The following TULP4 variants were observed in gnomAD, a reference collection of about 807,000 sequenced individuals.
TULP4 encodes tubby-related protein 4.
In TULP4, 16 loss-of-function variants were observed where a neutral mutation model predicts 129.0. That is an observed-to-expected ratio of 0.12 (90% CI 0.08 to 0.19). TULP4 has a LOEUF of 0.19. TULP4 is among the 10% of genes least tolerant of loss of function. The pLI, the probability that TULP4 is intolerant of heterozygous loss-of-function variation, is 1.00. For synonymous variants in TULP4, 998 were observed against 854.0 expected, an observed-to-expected ratio of 1.17 and a Z score of -2.94; for missense variants, 1,842 against 2,059.1, an observed-to-expected ratio of 0.89 and a Z score of 2.04.
intron 1 of TULP4, among the ~76,000 whole-genome samples, chr6:158,384,015 G>A (rs984681100): frequency 2.0e-5 from 3 of 152,190 alleles, no homozygotes; most frequent in African/African-American, 7.2e-5. Context: ...CCAAGACTGT[G>A]GCTAGAGGAG....
At chr6:158,431,089 G>T (rs1020009377) in intron 3 of TULP4, among the ~76,000 whole-genome samples, 2 of 152,036 alleles carry the variant, frequency 1.3e-5, no homozygotes, top group Non-Finnish European at 2.9e-5. Flanking sequence ...TTCCCCAGAG[G>T]CTTCCAATTA....
chr6:158,348,325 C>T (rs983424854), intron 1 of TULP4, among the ~76,000 whole-genome samples: 2 of 151,770 alleles, frequency 1.3e-5, no homozygotes, highest in African/African-American at 4.8e-5. Context: ...TCCCTGCGGC[C>T]TTCCACAGTG....
chr6:158,313,958 G>C lies in TULP4; in HGVS notation c.-59G>C. Reference sequence around the variant, plus strand: ...AACACATATACCAATGAAAGAAATTGGTTTAAATTTCACAGCATTAACATT... The same window carrying C: ...AACACATATACCAATGAAAGAAATTCGTTTAAATTTCACAGCATTAACATT... On this transcript the variant is annotated 5_prime_UTR_variant, in exon 1 of 14. Transcript: ENST00000367097. 1.3e-6 allele frequency: 2 copies of C among 1,573,914 alleles called. No individual in the cohort carries two copies. Among genetic ancestry groups the C allele is most frequent in the East Asian group, 2.3e-5 (1 of 44,358 alleles).
chr6:158,349,252 G>GGCA (rs1780418793), intron 1 of TULP4, among the ~76,000 whole-genome samples: 5 of 125,790 alleles, frequency 4.0e-5, no homozygotes, highest in Admixed American at 7.6e-5. Flanking sequence ...CAGATGGGGC[G>GGCA]GCCGGGCAGA....
intron 5 of TULP4, among the ~76,000 whole-genome samples, chr6:158,456,302 C>A (rs955673857): frequency 1.3e-5 from 2 of 152,216 alleles, no homozygotes; most frequent in South Asian, 2.1e-4. Flanking sequence ...CTAAGGCATG[C>A]TTGTCCAGCT....
intron 1 of TULP4, among the ~76,000 whole-genome samples, chr6:158,368,630 C>A (rs1315787663): frequency 6.6e-6 from 1 of 152,166 alleles, no homozygotes; most frequent in African/African-American, 2.4e-5. Context: ...TGGTTCATTT[C>A]TTTCAGTTTT....
At chr6:158,381,725 G>GA (rs1353470945) in intron 1 of TULP4, among the ~76,000 whole-genome samples, 1 of 152,160 alleles carries the variant, frequency 6.6e-6, no homozygotes, top group African/African-American at 2.4e-5. Context: ...ACCTAGCTAA[G>GA]AAGACCAATT....
chr6:158,504,937 T>C (rs965986149), intron 13 of TULP4, among the ~76,000 whole-genome samples: 3 of 152,084 alleles, frequency 2.0e-5, no homozygotes, highest in Non-Finnish European at 4.4e-5. Context: ...CAGCTTTTCC[T>C]TCCCCATTAA....
chr6:158,422,994 C>T (rs1400594306), intron 2 of TULP4, among the ~76,000 whole-genome samples: 1 of 152,150 alleles, frequency 6.6e-6, no homozygotes, highest in Non-Finnish European at 1.5e-5. Flanking sequence ...TAGCCTGGCT[C>T]TAAGAAACTT....
intron 1 of TULP4, among the ~76,000 whole-genome samples, chr6:158,350,731 AAGAGGGGAGAGGGG>A (rs1780495826): frequency 6.6e-6 from 1 of 150,664 alleles, no homozygotes; most frequent in African/African-American, 2.4e-5. Flanking sequence ...GAAAGAAAGG[AAGAGGGGAGAGGGG>A]AGATGGGAGA....
chr6:158,373,241 T>C (rs1777110870), intron 1 of TULP4, among the ~76,000 whole-genome samples: 1 of 152,248 alleles, frequency 6.6e-6, no homozygotes, highest in African/African-American at 2.4e-5. Context: ...CTAGGCACTT[T>C]ACCTGCATTA....
intron 8 of TULP4, among the ~76,000 whole-genome samples, chr6:158,485,605 G>A (rs1780048156): frequency 6.6e-6 from 1 of 152,222 alleles, no homozygotes; most frequent in Admixed American, 6.5e-5. Flanking sequence ...AGATCATTAG[G>A]TCCACCTCCT....
chr6:158,438,047 C>T (rs566708570), intron 3 of TULP4: 1 of 152,234 alleles, frequency 6.6e-6, no homozygotes, highest in South Asian at 2.1e-4. Context: ...TGTGAATAGC[C>T]ACCACACTTC....
At chr6:158,376,011 G>C (rs1777178442) in intron 1 of TULP4, among the ~76,000 whole-genome samples, 1 of 152,228 alleles carries the variant, frequency 6.6e-6, no homozygotes, top group African/African-American at 2.4e-5. Flanking sequence ...TCAGGGAAGA[G>C]CAGGGGCATG....
chr6:158,491,503 TCTTTCTTTCTTTC>T (rs1562589306), intron 9 of TULP4, among the ~76,000 whole-genome samples: 20 of 39,970 alleles, frequency 5.0e-4, no homozygotes, highest in East Asian at 1.6e-3. Flanking sequence ...TTTCTTTCTT[TCTTTCTTTCTTTC>T]TTGTCTCGCT....
chr6:158,472,449 C>T (rs566491402), intron 6 of TULP4, among the ~76,000 whole-genome samples: 2 of 152,130 alleles, frequency 1.3e-5, no homozygotes, highest in South Asian at 4.2e-4. Flanking sequence ...CCATTTCAAC[C>T]ATTGAAAAAA....
intron 1 of TULP4, among the ~76,000 whole-genome samples, chr6:158,328,484 C>G (rs1457260653): frequency 3.3e-5 from 5 of 152,132 alleles, no homozygotes; most frequent in African/African-American, 1.2e-4. Context: ...GCCTGAGATT[C>G]CCAAAACGAG....
intron 6 of TULP4, among the ~76,000 whole-genome samples, chr6:158,477,592 A>G (rs1341887595): frequency 6.6e-6 from 1 of 152,252 alleles, no homozygotes; most frequent in Non-Finnish European, 1.5e-5. Flanking sequence ...CAGAATGGCC[A>G]TTATTAAAAA....
At position 158,503,049 on chromosome 6, in the gene TULP4, G is replaced by A. The variant is rs192777685; in HGVS notation, c.3386G>A (p.Gly1129Asp). ...PPPYQWDPMLGEDVWVPQERT... is the reference protein window; with the variant it reads ...PPPYQWDPMLDEDVWVPQERT... ...CCTTACCAGTGGGACCCCATGCTGG[G>A]TGAGGATGTTTGGGTTCCTCAAGAA... is the stretch of plus-strand genomic sequence containing the variant. The change falls in exon 13 of 14, where the codon GGT (glycine) becomes GAT (aspartate). Residue 1129 changes from glycine (G) to aspartate (D), a missense_variant. Gly to Asp is a moderately conservative substitution (Grantham distance 94). Transcript: ENST00000367097. The surrounding 1 kb of genome is among the most constrained non-coding windows in gnomAD (Gnocchi z 4.3). 2.0e-5 allele frequency: 32 copies of A among 1,614,158 alleles called. No homozygotes were observed. The highest frequency in any genetic ancestry group is 2.7e-5 in the African/African-American group (2 of 75,042).
Sources: allele counts gnomAD v4.1 joint callset (sites outside exome capture counted in the v4.1 genomes callset), GRCh38; gene constraint gnomAD v4.1.1; non-coding constraint Gnocchi (gnomAD v3.1); transcripts MANE v1.5; gene names NCBI Gene and HGNC (gene_info 2026-07-23, HGNC 2026-07-21).